LOC400499: variants seen among roughly 807,000 people sequenced by gnomAD.
chr16:11,514,395 G>T, the LOC400499 span: 9 of 399,176 alleles, frequency 2.3e-5, no homozygotes, highest in South Asian at 7.6e-4. Context: ...TCGTGCAGCA[G>T]ACTGAGTGAG....
At chr16:11,446,433 C>T in the LOC400499 span, 33 of 919,484 alleles carry the variant, frequency 3.6e-5, no homozygotes, top group Non-Finnish European at 5.1e-5. Context: ...GCTAAGATTA[C>T]AGGTGTGAGC....
At chr16:11,504,604 C>G in the LOC400499 span, among the ~76,000 whole-genome samples, 33 of 151,990 alleles carry the variant, frequency 2.2e-4, 1 homozygote, top group Admixed American at 1.9e-3. Context: ...AAACTGCCAT[C>G]CCCATCACCA....
the LOC400499 span, among the ~76,000 whole-genome samples, chr16:11,426,726 C>G: frequency 2.0e-5 from 3 of 150,970 alleles, no homozygotes; most frequent in Admixed American, 1.3e-4. Flanking sequence ...CTCAGGCATT[C>G]CAGACCAGCC....
At chr16:11,379,044 A>T in the LOC400499 span, among the ~76,000 whole-genome samples, 1 of 152,168 alleles carries the variant, frequency 6.6e-6, no homozygotes, top group East Asian at 1.9e-4. Context: ...TGGGTGGATC[A>T]CCTGAGGTCA....
the LOC400499 span, chr16:11,477,795 T>G: frequency 2.5e-6 from 1 of 398,682 alleles, no homozygotes; most frequent in East Asian, 3.6e-5. Context: ...CCACCTAACC[T>G]GCGCCAGCTC....
chr16:11,426,038 A>C, the LOC400499 span, among the ~76,000 whole-genome samples: 1 of 152,264 alleles, frequency 6.6e-6, no homozygotes, highest in Admixed American at 6.5e-5. Context: ...TTTCATACCG[A>C]AGTCCAATTT....
chr16:11,384,317 C>T, the LOC400499 span: 32 of 1,231,156 alleles, frequency 2.6e-5, no homozygotes, highest in East Asian at 1.3e-4. Flanking sequence ...AGAAGGCCAG[C>T]GGATATGCCT....
the LOC400499 span, chr16:11,443,330 C>CAAAAAAAAAAAAAA: frequency 3.9e-6 from 1 of 257,982 alleles, no homozygotes. Flanking sequence ...TCCTCAGTCT[C>CAAAAAAAAAAAAAA]AAAAAAAAAA....
chr16:11,402,583 G>C, the LOC400499 span, among the ~76,000 whole-genome samples: 5 of 152,236 alleles, frequency 3.3e-5, no homozygotes, highest in East Asian at 7.7e-4. Context: ...CTGGCCTGTG[G>C]GCTGGTGCCA....
the LOC400499 span, chr16:11,522,168 T>A: frequency 2.5e-6 from 1 of 398,798 alleles, no homozygotes; most frequent in Non-Finnish European, 4.4e-6. Flanking sequence ...CCCTCTGGGA[T>A]CCCAACTCCA....
the LOC400499 span, among the ~76,000 whole-genome samples, chr16:11,374,582 C>T: frequency 6.6e-6 from 1 of 152,154 alleles, no homozygotes; most frequent in Non-Finnish European, 1.5e-5. Context: ...TCATACAGTA[C>T]TTGTGTTTTT....
the LOC400499 span, among the ~76,000 whole-genome samples, chr16:11,427,502 T>C: frequency 3.9e-5 from 6 of 152,182 alleles, no homozygotes; most frequent in South Asian, 8.3e-4. Context: ...TGGAATGCAG[T>C]GCCACAATCA....
At chr16:11,410,482 A>G in the LOC400499 span, among the ~76,000 whole-genome samples, 2 of 152,298 alleles carry the variant, frequency 1.3e-5, no homozygotes, top group African/African-American at 4.8e-5. Context: ...AAATAAATAA[A>G]TAAAGAAGTT....
the LOC400499 span, among the ~76,000 whole-genome samples, chr16:11,430,284 G>A: frequency 6.6e-6 from 1 of 152,072 alleles, no homozygotes; most frequent in Non-Finnish European, 1.5e-5. Context: ...CCAGGAGTTC[G>A]AGACCAGCCT....
At chr16:11,383,269 G>A in the LOC400499 span, among the ~76,000 whole-genome samples, 29 of 152,158 alleles carry the variant, frequency 1.9e-4, no homozygotes, top group African/African-American at 4.8e-4. Flanking sequence ...GGGTTTCACC[G>A]TGTTAGCCAG....
the LOC400499 span, among the ~76,000 whole-genome samples, chr16:11,443,617 G>A: frequency 3.9e-5 from 6 of 151,996 alleles, no homozygotes; most frequent in South Asian, 2.1e-4. Context: ...AAGAAGACCC[G>A]GATGGGGTTC....
chr16:11,480,140 C>A, the LOC400499 span, among the ~76,000 whole-genome samples: 2 of 152,324 alleles, frequency 1.3e-5, no homozygotes, highest in Non-Finnish European at 2.9e-5. Context: ...TCCCTATTGT[C>A]TCTCCAACAC....
chr16:11,449,553 C>G, the LOC400499 span, among the ~76,000 whole-genome samples: 884 of 152,340 alleles, frequency 5.8e-3, 10 homozygotes, highest in African/African-American at 0.02. Flanking sequence ...AGCCGCCACC[C>G]TGGCACAAGC....
chr16:11,444,425 G>A, the LOC400499 span, among the ~76,000 whole-genome samples: 2 of 152,074 alleles, frequency 1.3e-5, no homozygotes, highest in Admixed American at 1.3e-4. Context: ...TAAGTCAGGG[G>A]TCAGCAACTA....
Sources: gnomAD v4.1 joint callset for allele counts (sites outside exome capture counted in the v4.1 genomes callset) on GRCh38, gnomAD v4.1.1 for gene constraint, MANE v1.5 for transcripts.